The following LUZP2 variants were observed in gnomAD, a reference collection of about 807,000 sequenced individuals.
LUZP2 encodes leucine zipper protein 2.
LUZP2 carries 52 observed loss-of-function variants against 51.6 expected under a neutral mutation model. The observed-to-expected ratio is 1.01, with a 90% CI of 0.81 to 1.27. LUZP2 has a LOEUF of 1.27. Among genes scored for constraint, LUZP2 ranks in the 50% most tolerant of loss-of-function variants. The pLI is 0.00. For missense variants in LUZP2, 436 were observed against 395.4 expected (o/e 1.10, Z -0.87); for synonymous variants, 154 against 137.3 (o/e 1.12, Z -0.85).
At chr11:24,531,096 T>TA (rs35724008) in intron 1 of LUZP2, among the ~76,000 whole-genome samples, 27,454 of 148,484 alleles carry the variant, frequency 0.18, 4,523 homozygotes, top group African/African-American at 0.44. Context: ...AATATTACCA[T>TA]AAAAAAGCAA....
chr11:24,895,070 T>C (rs1324277572), intron 5 of LUZP2, among the ~76,000 whole-genome samples: 1 of 152,176 alleles, frequency 6.6e-6, no homozygotes, highest in Non-Finnish European at 1.5e-5. Context: ...CTCAAATTTT[T>C]AATCCCTTGA....
At chr11:24,985,684 G>T (rs1283997306) in intron 9 of LUZP2, among the ~76,000 whole-genome samples, 1 of 151,730 alleles carries the variant, frequency 6.6e-6, no homozygotes, top group Non-Finnish European at 1.5e-5. Flanking sequence ...CATTCACTAT[G>T]ATGTAAAGGG....
At chr11:24,689,303 G>A (rs1168453821) in intron 1 of LUZP2, among the ~76,000 whole-genome samples, 1 of 152,162 alleles carries the variant, frequency 6.6e-6, no homozygotes, top group African/African-American at 2.4e-5. Flanking sequence ...GGAAGGGACA[G>A]CATGCACAGT....
chr11:24,985,004 A>G (rs962494311), intron 9 of LUZP2, among the ~76,000 whole-genome samples: 4 of 151,692 alleles, frequency 2.6e-5, no homozygotes, highest in Admixed American at 2.0e-4. Flanking sequence ...TGATGTTTCT[A>G]GAAAATTCAT....
intron 1 of LUZP2, among the ~76,000 whole-genome samples, chr11:24,703,562 C>A (rs1467957746): frequency 2.0e-5 from 3 of 152,114 alleles, no homozygotes; most frequent in African/African-American, 7.2e-5. Flanking sequence ...CTGGCTCATG[C>A]CTGTAATCCC....
In LUZP2 at chr11:24,892,100, A is replaced by G. The variant is rs1852872741; in HGVS notation, c.397-13891A>G. 5.1e-6 allele frequency: 5 copies of G among 985,476 alleles called. No individual in the cohort carries two copies. The South Asian group carries it at 1.4e-4, about 28-fold the overall frequency. 61.0% of individuals were successfully genotyped at this position (985,476 alleles called of 1,614,324 possible). On this transcript the variant is annotated intron_variant, in intron 5 of 11. Coordinates refer to ENST00000336930, the MANE Select transcript of LUZP2 (RefSeq NM_001009909.4). ...CAGGGCTCATGGTCACTCGTGACTT[A>G]CTAGTTTGATAGGCTCTCACTGTGG...
chr11:24,908,773 TGAGAC>T (rs1853538804), intron 6 of LUZP2, among the ~76,000 whole-genome samples: 1 of 147,066 alleles, frequency 6.8e-6, no homozygotes, highest in African/African-American at 2.4e-5. Flanking sequence ...TTTTTTTTTT[TGAGAC>T]TGAGTCTCCC....
In LUZP2 at chr11:24,559,558, T is replaced by A. The variant is rs78644831; in HGVS notation, c.62+62253T>A. ...CATAATCAGAATATATTCTCACATC[T>A]TTTCCATGCCAAGTTACCTGCAAGT... On this transcript the variant is annotated intron_variant, in intron 1 of 11. Transcript: ENST00000336930. Among the ~76,000 whole-genome samples the A allele has an allele frequency of 4.9e-3, 742 of 152,298 alleles. 8 individuals carry two copies. The highest frequency in any genetic ancestry group is 0.016 in the African/African-American group (675 of 41,560).
At chr11:24,660,990 T>G (rs564292745) in intron 1 of LUZP2, among the ~76,000 whole-genome samples, 2 of 152,292 alleles carry the variant, frequency 1.3e-5, no homozygotes, top group South Asian at 4.1e-4. Context: ...ATTTTCTGCA[T>G]GGAAGAGAGC....
chr11:24,680,374 C>G (rs1856694330), intron 1 of LUZP2, among the ~76,000 whole-genome samples: 2 of 152,280 alleles, frequency 1.3e-5, no homozygotes, highest in East Asian at 3.9e-4. Context: ...GCCCTAGGTC[C>G]TCTCCACAAA....
intron 1 of LUZP2, among the ~76,000 whole-genome samples, chr11:24,708,397 C>T (rs1231034614): frequency 1.3e-5 from 2 of 152,096 alleles, no homozygotes; most frequent in African/African-American, 2.4e-5. Flanking sequence ...ATTAAATAAC[C>T]TCATTTATCA....
intron 4 of LUZP2, among the ~76,000 whole-genome samples, chr11:24,761,940 G>C (rs1453857260): frequency 6.6e-6 from 1 of 151,598 alleles, no homozygotes; most frequent in Admixed American, 6.6e-5. Flanking sequence ...GTTACCTGGG[G>C]GGGTGGGGGT....
At chr11:24,716,102 T>C (rs1858030618) in intron 1 of LUZP2, among the ~76,000 whole-genome samples, 3 of 152,194 alleles carry the variant, frequency 2.0e-5, no homozygotes, top group Non-Finnish European at 4.4e-5. Flanking sequence ...ATATTAGATA[T>C]TGTTTAAAAA....
At chr11:24,816,171 G>A (rs1850176587) in intron 5 of LUZP2, among the ~76,000 whole-genome samples, 1 of 152,034 alleles carries the variant, frequency 6.6e-6, no homozygotes, top group Non-Finnish European at 1.5e-5. Flanking sequence ...TGCCTGGCTT[G>A]CAGTAAGCAC....
intron 1 of LUZP2, among the ~76,000 whole-genome samples, chr11:24,532,482 A>G (rs1441294073): frequency 1.3e-5 from 2 of 151,052 alleles, no homozygotes; most frequent in Admixed American, 6.6e-5. Context: ...AGATGCTATG[A>G]TCCTAAGAAC....
chr11:24,502,253 G>C (rs1385001889), intron 1 of LUZP2, among the ~76,000 whole-genome samples: 1 of 141,816 alleles, frequency 7.1e-6, no homozygotes, highest in African/African-American at 3.0e-5. Context: ...AAATCAATTA[G>C]GTGACATGAA....
chr11:24,828,733 C>A (rs929757703), intron 5 of LUZP2, among the ~76,000 whole-genome samples: 2 of 152,084 alleles, frequency 1.3e-5, no homozygotes, highest in Admixed American at 1.3e-4. Context: ...AGGTGGAGGA[C>A]TGGCAGCTTC....
intron 9 of LUZP2, among the ~76,000 whole-genome samples, chr11:25,017,275 C>T (rs756407620): frequency 1.4e-4 from 21 of 152,024 alleles, no homozygotes; most frequent in Admixed American, 1.3e-4. Flanking sequence ...TTTTAGTTTA[C>T]CTATATCCCA....
chr11:24,635,121 G>T (rs571624040), intron 1 of LUZP2, among the ~76,000 whole-genome samples: 1 of 151,942 alleles, frequency 6.6e-6, no homozygotes, highest in East Asian at 1.9e-4. Context: ...TAAAAGTCCA[G>T]ATTTCACCAC....
Sources: allele counts gnomAD v4.1 joint callset (sites outside exome capture counted in the v4.1 genomes callset), GRCh38; gene constraint gnomAD v4.1.1; transcripts MANE v1.5; gene names NCBI Gene and HGNC (gene_info 2026-07-23, HGNC 2026-07-21).